TTC28: variants seen among roughly 807,000 people sequenced by gnomAD.
TTC28 encodes tetratricopeptide repeat protein 28.
Under a neutral mutation model 198.0 loss-of-function variants are expected in TTC28, and 61 were observed. The ratio of observed to expected loss-of-function variants is 0.31; its 90% confidence interval spans 0.25 to 0.38. The LOEUF (loss-of-function observed/expected upper bound fraction) is 0.38, where lower values mean the gene tolerates loss of function less well. Ranked by LOEUF, TTC28 falls within the 10% of genes least tolerant of loss-of-function variation. The pLI, the probability that TTC28 is intolerant of heterozygous loss-of-function variation, is 1.00. For synonymous variants in TTC28, 1,171 were observed against 1,297.8 expected (o/e 0.90, Z 2.10); for missense variants, 2,678 against 3,164.0 (o/e 0.85, Z 3.69).
chr22:28,151,954 T>G (rs1428942012), intron 6 of TTC28, among the ~76,000 whole-genome samples: 1 of 152,138 alleles, frequency 6.6e-6, no homozygotes, highest in Admixed American at 6.5e-5. Context: ...TGTCTATGCC[T>G]CTCAAGTAGA....
chr22:28,332,393 T>C (rs2045630752), intron 2 of TTC28, among the ~76,000 whole-genome samples: 1 of 152,042 alleles, frequency 6.6e-6, no homozygotes, highest in Admixed American at 6.6e-5. Context: ...GTTCTGAATT[T>C]CTCACATTAA....
intron 2 of TTC28, among the ~76,000 whole-genome samples, chr22:28,334,687 G>A: frequency 6.6e-6 from 1 of 152,000 alleles, no homozygotes; most frequent in Non-Finnish European, 1.5e-5. Flanking sequence ...TCACCCACTT[G>A]TTAATGGGGT....
intron 16 of TTC28, chr22:27,996,498 T>A: frequency 1.9e-6 from 1 of 523,764 alleles, no homozygotes; most frequent in Non-Finnish European, 3.3e-6. Flanking sequence ...TGGGGCCTGC[T>A]ATTTTGCAGA....
At chr22:28,521,394 G>A (rs928783016) in intron 2 of TTC28, among the ~76,000 whole-genome samples, 3 of 152,030 alleles carry the variant, frequency 2.0e-5, no homozygotes, top group African/African-American at 7.3e-5. Context: ...GTGACAGAGG[G>A]AGACCCTATC....
chr22:28,200,352 T>C (rs945929739), intron 5 of TTC28, among the ~76,000 whole-genome samples: 9 of 152,206 alleles, frequency 5.9e-5, no homozygotes, highest in Admixed American at 2.0e-4. Flanking sequence ...TCATTTTTGT[T>C]TGCCTTTTGA....
At chr22:28,450,676 C>T (rs2047766056) in intron 2 of TTC28, among the ~76,000 whole-genome samples, 1 of 152,106 alleles carries the variant, frequency 6.6e-6, no homozygotes, top group Non-Finnish European at 1.5e-5. Context: ...CTGCAAAGTA[C>T]CAGAAATAAT....
intron 15 of TTC28, chr22:28,001,031 T>C: frequency 4.8e-6 from 1 of 209,480 alleles, no homozygotes; most frequent in Non-Finnish European, 9.9e-6. Context: ...GGGCATCGTG[T>C]GGATGGTGGG....
intron 2 of TTC28, among the ~76,000 whole-genome samples, chr22:28,586,019 G>A (rs1461580897): frequency 2.0e-5 from 3 of 151,844 alleles, no homozygotes; most frequent in Non-Finnish European, 4.4e-5. Context: ...GGTGGCTCAT[G>A]CCTGTAATCC....
chr22:28,111,159 T>G (rs1452631120), intron 6 of TTC28, among the ~76,000 whole-genome samples: 1 of 152,182 alleles, frequency 6.6e-6, no homozygotes, highest in Non-Finnish European at 1.5e-5. Context: ...TTTACTTACA[T>G]GTATTTTAAT....
chr22:28,561,355 CGT>C (rs2049876947), intron 2 of TTC28, among the ~76,000 whole-genome samples: 1 of 152,134 alleles, frequency 6.6e-6, no homozygotes, highest in African/African-American at 2.4e-5. Context: ...GGATTACAGG[CGT>C]GAGACACCAC....
At chr22:28,243,833 A>G (rs931848681) in intron 5 of TTC28, among the ~76,000 whole-genome samples, 3 of 152,106 alleles carry the variant, frequency 2.0e-5, no homozygotes, top group African/African-American at 7.2e-5. Context: ...CTGTCCCCCA[A>G]CTTCCTTGAA....
intron 14 of TTC28, among the ~76,000 whole-genome samples, chr22:28,003,928 G>A (rs1039050443): frequency 6.6e-6 from 1 of 152,186 alleles, no homozygotes; most frequent in African/African-American, 2.4e-5. Flanking sequence ...AGTGGTGTCC[G>A]TCATGTGCCT....
chr22:28,467,047 T>A (rs1356768655), intron 2 of TTC28, among the ~76,000 whole-genome samples: 1 of 152,218 alleles, frequency 6.6e-6, no homozygotes, highest in African/African-American at 2.4e-5. Context: ...TCATGTTCCA[T>A]CTACTAAAGA....
At chr22:28,635,531 C>A (rs1206290156) in intron 1 of TTC28, among the ~76,000 whole-genome samples, 1 of 152,044 alleles carries the variant, frequency 6.6e-6, no homozygotes, top group Admixed American at 6.6e-5. Flanking sequence ...TCCTCTGATC[C>A]TCTGACAAAT....
rs139282856 is a variant in TTC28 at position 28,640,567 on chromosome 22, A to AAATAATAATAAT, written c.103-10749_103-10738dup. ...TACGTCTGTCATAGTCAAACTGTTA[A>AAATAATAATAAT]AATAATAATAATAATAATAATAATA... On this transcript the variant is annotated intron_variant, in intron 1 of 22. Transcript: ENST00000397906. Among the ~76,000 whole-genome samples, 1,184 of 147,356 alleles carry AAATAATAATAAT rather than the reference A, an allele frequency of 8.0e-3. 16 individuals are homozygous for AAATAATAATAAT. Among genetic ancestry groups the AAATAATAATAAT allele is most frequent in the South Asian group, 0.024 (109 of 4,612 alleles).
intron 2 of TTC28, among the ~76,000 whole-genome samples, chr22:28,593,809 C>T (rs932495681): frequency 6.6e-6 from 1 of 152,042 alleles, no homozygotes; most frequent in Non-Finnish European, 1.5e-5. Flanking sequence ...GCCACACAGA[C>T]CCAGAGGATT....
intron 6 of TTC28, among the ~76,000 whole-genome samples, chr22:28,152,736 T>G (rs1002812062): frequency 2.0e-5 from 3 of 152,238 alleles, no homozygotes; most frequent in African/African-American, 7.2e-5. Context: ...ATCTGGTTAG[T>G]GTACTGACTA....
At position 28,629,586 on chromosome 22, in the gene TTC28, A is replaced by G. The variant is rs1222709223; in HGVS notation, c.347T>C (p.Ile116Thr). 2.6e-6 allele frequency: 4 copies of G among 1,551,394 alleles called. No homozygotes were observed. In the African/African-American group the frequency reaches 4.1e-5, roughly 16 times the overall value. The stretch of plus-strand genomic sequence containing the variant: ...CTTGGGATTGAGAAGTCGAGCTTTG[A>G]TTGCATCATCCAGTGCCTTGTCATA... ...QQYDKALDDA[I>T]KARLLNPKWP... The change falls in exon 2 of 23, where the codon ATC (isoleucine) becomes ACC (threonine). Residue 116 changes from isoleucine (I) to threonine (T), a missense_variant. Around this residue, in one of 8 missense-constraint regions of TTC28, gnomAD observed 176 missense variants for 197.9 expected, o/e 0.89. Transcript: ENST00000397906.
chr22:28,525,330 ATTT>A (rs1023128770), intron 2 of TTC28, among the ~76,000 whole-genome samples: 21 of 152,132 alleles, frequency 1.4e-4, no homozygotes, highest in African/African-American at 4.6e-4. Flanking sequence ...CTTTTATATT[ATTT>A]TATGGAGACA....
Sources: allele counts gnomAD v4.1 joint callset (sites outside exome capture counted in the v4.1 genomes callset), GRCh38; gene constraint gnomAD v4.1.1; regional missense constraint gnomAD v4.1.1; transcripts MANE v1.5; gene names NCBI Gene and HGNC (gene_info 2026-07-23, HGNC 2026-07-21).